Variants in TRIP4 observed in about 807,000 individuals in gnomAD.
The protein encoded by TRIP4 is activating signal cointegrator 1.
A neutral mutation model predicts 81.8 loss-of-function variants in TRIP4; 54 were observed. The ratio of observed to expected loss-of-function variants is 0.66; its 90% confidence interval spans 0.53 to 0.83. TRIP4 has a LOEUF of 0.83. Ranked by LOEUF, TRIP4 falls within the 40% of genes least tolerant of loss-of-function variation. The pLI is 0.00. For synonymous variants in TRIP4, 270 were observed against 242.8 expected (o/e 1.11, Z -1.04); for missense variants, 662 against 683.6 (o/e 0.97, Z 0.35).
At chr15:64,443,856 T>TA (rs1049170406) in intron 11 of TRIP4, among the ~76,000 whole-genome samples, 49 of 150,632 alleles carry the variant, frequency 3.3e-4, no homozygotes, top group Admixed American at 1.2e-3. Context: ...ACCCCATCTT[T>TA]AAAAAAAAAC....
In TRIP4 at chr15:64,406,470, G is replaced by A; in HGVS notation, c.827+11G>A. The A allele has an allele frequency of 6.2e-7, 1 of 1,610,448 alleles. No individual in the cohort carries two copies. Among genetic ancestry groups the A allele is most frequent in the South Asian group, 1.1e-5 (1 of 90,254 alleles). ...GTTTGACAGAACTAGGTATGAAAGG[G>A]TTAGAATAACAAATGCTAAGAAATA... On this transcript the variant is annotated intron_variant, in intron 6 of 12. Transcript: ENST00000261884.
At chr15:64,408,054 T>A (rs970157539) in intron 6 of TRIP4, among the ~76,000 whole-genome samples, 4 of 146,056 alleles carry the variant, frequency 2.7e-5, no homozygotes, top group South Asian at 2.2e-4. Context: ...GCGAGATTAA[T>A]CCAGTGCACT....
chr15:64,435,224 A>AAG (rs1391628279), intron 11 of TRIP4, among the ~76,000 whole-genome samples: 1 of 148,888 alleles, frequency 6.7e-6, no homozygotes, highest in Non-Finnish European at 1.5e-5. Flanking sequence ...AAAAAAAAAA[A>AAG]AAAAAAAAAA....
At chr15:64,402,232 T>A (rs1371321978) in intron 5 of TRIP4, among the ~76,000 whole-genome samples, 1 of 152,028 alleles carries the variant, frequency 6.6e-6, no homozygotes, top group Non-Finnish European at 1.5e-5. Context: ...GACATTTTTT[T>A]TTTTTTTGAG....
intron 11 of TRIP4, among the ~76,000 whole-genome samples, chr15:64,426,930 G>C (rs1423411368): frequency 6.6e-6 from 1 of 151,708 alleles, no homozygotes; most frequent in Non-Finnish European, 1.5e-5. Flanking sequence ...AACCCAGAAG[G>C]CAGAGGTTGC....
intron 1 of TRIP4, chr15:64,393,360 T>C (rs1900192201): frequency 6.6e-6 from 1 of 151,348 alleles, no homozygotes; most frequent in African/African-American, 2.4e-5. Flanking sequence ...GGTTTCACCG[T>C]GTTAGCCAGG....
At chr15:64,431,847 A>ATATATTTTTTTTT in intron 11 of TRIP4, among the ~76,000 whole-genome samples, 6 of 119,558 alleles carry the variant, frequency 5.0e-5, no homozygotes, top group Middle Eastern at 4.2e-3. Flanking sequence ...ATATATATAT[A>ATATATTTTTTTTT]TTTTTTTTAT....
intron 12 of TRIP4, among the ~76,000 whole-genome samples, chr15:64,452,285 A>T (rs751065935): frequency 6.6e-6 from 1 of 152,180 alleles, no homozygotes; most frequent in African/African-American, 2.4e-5. Context: ...CCCTGCCACA[A>T]ATCTGAAAAT....
intron 7 of TRIP4, among the ~76,000 whole-genome samples, chr15:64,410,240 G>A (rs1891731240): frequency 6.6e-6 from 1 of 151,954 alleles, no homozygotes; most frequent in Admixed American, 6.6e-5. Flanking sequence ...TGGCCAGGCT[G>A]GTCTCAAACT....
At chr15:64,421,711 TA>T (rs1892019194) in intron 9 of TRIP4, among the ~76,000 whole-genome samples, 1 of 152,152 alleles carries the variant, frequency 6.6e-6, no homozygotes, top group Admixed American at 6.6e-5. Flanking sequence ...CTGCCTACAG[TA>T]TTCTGTACAG....
intron 11 of TRIP4, among the ~76,000 whole-genome samples, chr15:64,442,132 C>G (rs1350177717): frequency 6.6e-6 from 1 of 150,746 alleles, no homozygotes; most frequent in Non-Finnish European, 1.5e-5. Context: ...AGGACTTAGA[C>G]TTTTATTCTG....
At chr15:64,394,182 ATTAT>A in intron 2 of TRIP4, 67 bp downstream of exon 2, 5 of 1,344,860 alleles carry the variant, frequency 3.7e-6, no homozygotes, top group South Asian at 1.8e-5. Flanking sequence ...AATTATTATT[ATTAT>A]TTTTTTTTTT....
At chr15:64,395,354 A>T in intron 2 of TRIP4, 44 bp from the exon 3 acceptor site, 1 of 1,534,930 alleles carries the variant, frequency 6.5e-7, no homozygotes, top group Non-Finnish European at 8.8e-7. Flanking sequence ...GAATCCTCTT[A>T]TCAATCTGTG....
intron 11 of TRIP4, among the ~76,000 whole-genome samples, chr15:64,442,395 G>A (rs1437356700): frequency 6.6e-6 from 1 of 152,054 alleles, no homozygotes; most frequent in East Asian, 1.9e-4. Context: ...TTGAGACAGG[G>A]TCTCACTCTG....
At chr15:64,449,631 T>C (rs1020390316) in intron 12 of TRIP4, among the ~76,000 whole-genome samples, 1 of 152,112 alleles carries the variant, frequency 6.6e-6, no homozygotes, top group South Asian at 2.1e-4. Context: ...AGGTGTATAC[T>C]TTGATTTGTT....
intron 7 of TRIP4, among the ~76,000 whole-genome samples, chr15:64,412,676 G>A (rs1030988976): frequency 1.1e-4 from 16 of 152,024 alleles, no homozygotes; most frequent in Admixed American, 3.3e-4. Context: ...GTCAAGTTTA[G>A]CCTTTCCTGT....
intron 9 of TRIP4, among the ~76,000 whole-genome samples, chr15:64,420,398 G>T (rs1462660448): frequency 6.6e-6 from 1 of 152,134 alleles, no homozygotes; most frequent in Non-Finnish European, 1.5e-5. Context: ...TGGGATTACA[G>T]GTGTGAGCCA....
intron 3 of TRIP4, among the ~76,000 whole-genome samples, chr15:64,395,775 T>C (rs1900274087): frequency 6.6e-6 from 1 of 151,332 alleles, no homozygotes; most frequent in South Asian, 2.1e-4. Flanking sequence ...AGAGTCTTGC[T>C]CTGTTTCCAG....
At chr15:64,441,574 C>T (rs1373127268) in intron 11 of TRIP4, among the ~76,000 whole-genome samples, 1 of 151,600 alleles carries the variant, frequency 6.6e-6, no homozygotes, top group African/African-American at 2.4e-5. Flanking sequence ...GAGATTGAGA[C>T]CATCCTGGCT....
Sources: allele counts gnomAD v4.1 joint callset (sites outside exome capture counted in the v4.1 genomes callset), GRCh38; gene constraint gnomAD v4.1.1; transcripts MANE v1.5; gene names NCBI Gene and HGNC (gene_info 2026-07-23, HGNC 2026-07-21).